VCL: variants seen among roughly 807,000 people sequenced by gnomAD.
VCL encodes vinculin.
A neutral mutation model predicts 125.7 loss-of-function variants in VCL; 47 were observed. The ratio of observed to expected loss-of-function variants is 0.37; its 90% CI spans 0.30 to 0.48. VCL has a LOEUF of 0.48. Among genes scored for constraint, VCL ranks in the 20% least tolerant of loss-of-function variants. The probability of loss-of-function intolerance (pLI) is 0.99; values close to 1 mark genes in which losing one functional copy is unlikely to be tolerated. For missense variants in VCL, 1,069 were observed against 1,455.5 expected, an observed-to-expected ratio of 0.73 and a Z score of 4.32; for synonymous variants, 458 against 514.6, an observed-to-expected ratio of 0.89 and a Z score of 1.49.
Position 74,082,449 on chromosome 10 carries a change from A to T in VCL, c.784-5A>T. ...GAAAATAATGGTGGGATTTCTTCCC[A>T]AAAGGACACTGAAGCCATGAAGAGA... On this transcript the variant is annotated splice_region_variant and splice_polypyrimidine_tract_variant and intron_variant, in intron 6 of 21. Coordinates refer to ENST00000211998, the MANE Select transcript of VCL (RefSeq NM_014000.3). 1 of 1,614,150 alleles carries T rather than the reference A, an allele frequency of 6.2e-7. No individual in the cohort carries two copies. Among genetic ancestry groups the T allele is most frequent in the Non-Finnish European group, 8.5e-7 (1 of 1,179,988 alleles).
At chr10:74,100,873 G>A (rs1260053988) in intron 13 of VCL, 75 bp from the exon 14 acceptor site, 7 of 1,577,794 alleles carry the variant, frequency 4.4e-6, no homozygotes, top group Middle Eastern at 4.4e-4. Flanking sequence ...CCTTCTTAAA[G>A]GATGAAACTT....
At position 74,112,202 on chromosome 10, in the gene VCL, G is replaced by A. The variant is rs953763306; in HGVS notation, c.2949+90G>A. The A allele has an allele frequency of 2.6e-6, 4 of 1,528,902 alleles. No individual in the cohort carries two copies. In the African/African-American group the frequency reaches 5.5e-5, roughly 21 times the overall value. The allele number at this position is 1,528,902 out of a possible 1,614,324, so 94.7% of individuals were successfully genotyped here. A position where few individuals can be genotyped will look rare whatever the true frequency, so the allele number is the denominator to read the frequency against. On this transcript the variant is annotated intron_variant, in intron 19 of 21. Transcript: ENST00000211998. Reference sequence around the variant, plus strand: ...CATTGCATCACTCATGATCTGTGCTGGTCCTGTGAGTCTGAGCAGGGCGGG... The same window carrying A: ...CATTGCATCACTCATGATCTGTGCTAGTCCTGTGAGTCTGAGCAGGGCGGG...
chr10:74,015,539 T>C (rs1251926408), intron 1 of VCL, among the ~76,000 whole-genome samples: 1 of 151,252 alleles, frequency 6.6e-6, no homozygotes, highest in Non-Finnish European at 1.5e-5. Context: ...AAACTCTGTC[T>C]CCAAAAAAAA....
At chr10:74,104,029 G>A (rs1239039368) in intron 15 of VCL, 101 bp downstream of exon 15, 2 of 1,217,686 alleles carry the variant, frequency 1.6e-6, no homozygotes, top group East Asian at 5.0e-5. Context: ...ATTGGATAAA[G>A]GGCCGGTCAC....
At chr10:74,044,689 A>T (rs1841162356) in intron 2 of VCL, among the ~76,000 whole-genome samples, 2 of 152,196 alleles carry the variant, frequency 1.3e-5, no homozygotes, top group Non-Finnish European at 2.9e-5. Flanking sequence ...ACTCGTCCAC[A>T]TGCACACCAG....
chr10:74,057,184 A>G (rs1034197501), intron 2 of VCL, among the ~76,000 whole-genome samples: 1 of 152,004 alleles, frequency 6.6e-6, no homozygotes, highest in Admixed American at 6.6e-5. Flanking sequence ...GGCTCAAGCA[A>G]TCCTCCCACC....
At chr10:74,085,149 C>T (rs1160539169) in intron 8 of VCL, among the ~76,000 whole-genome samples, 2 of 152,056 alleles carry the variant, frequency 1.3e-5, no homozygotes, top group African/African-American at 2.4e-5. Context: ...AAGTGATCCT[C>T]TCAAAAGTGT....
At chr10:74,111,828 C>A in intron 18 of VCL, 81 bp from the exon 19 acceptor site, 1 of 1,558,162 alleles carries the variant, frequency 6.4e-7, no homozygotes, top group South Asian at 1.2e-5. Context: ...GGTTACTAAA[C>A]CAGCTGAAGC....
chr10:74,023,694 G>A lies in VCL; in HGVS notation c.169-19389G>A, dbSNP rs138169902. On this transcript the variant is annotated intron_variant, in intron 1 of 21. Transcript: ENST00000211998. ...ATATTGGTAAGCAAGTGAAACAAAA[G>A]GAAATGAAGTTAACATTTCTATAAA... is the stretch of plus-strand genomic sequence containing the variant. Among the ~76,000 whole-genome samples the A allele has an allele frequency of 8.0e-3, 1,224 of 152,234 alleles. 13 individuals are homozygous for A. Among genetic ancestry groups the A allele is most frequent in the African/African-American group, 0.026 (1,072 of 41,544 alleles).
At chr10:74,017,073 A>C (rs1158024717) in intron 1 of VCL, among the ~76,000 whole-genome samples, 1 of 72,456 alleles carries the variant, frequency 1.4e-5, no homozygotes, top group South Asian at 4.0e-4. Flanking sequence ...TTTGAGACGG[A>C]GTCTCGCTCT....
intron 1 of VCL, among the ~76,000 whole-genome samples, chr10:74,012,818 A>C (rs998558257): frequency 3.3e-5 from 5 of 152,138 alleles, no homozygotes; most frequent in African/African-American, 1.2e-4. Context: ...ACTCTTCTGT[A>C]GTTCTTTACT....
chr10:74,093,314 A>G (rs1432393504), intron 10 of VCL, among the ~76,000 whole-genome samples: 1 of 152,070 alleles, frequency 6.6e-6, no homozygotes, highest in Non-Finnish European at 1.5e-5. Context: ...AACAAACAAA[A>G]AAAAGTGTGG....
intron 6 of VCL, among the ~76,000 whole-genome samples, chr10:74,080,080 A>C (rs756411065): frequency 1.1e-4 from 17 of 152,178 alleles, no homozygotes; most frequent in Non-Finnish European, 2.2e-4. Context: ...AGAAAAAAAG[A>C]AATGATTTTT....
At chr10:74,113,211 G>C (rs1840257714) in intron 19 of VCL, among the ~76,000 whole-genome samples, 2 of 152,166 alleles carry the variant, frequency 1.3e-5, no homozygotes, top group Non-Finnish European at 2.9e-5. Context: ...GCTATGACTT[G>C]GGGTTGTTAG....
At chr10:74,103,793 TG>T in intron 14 of VCL, 26 bp from the exon 15 acceptor site, 1 of 1,601,480 alleles carries the variant, frequency 6.2e-7, no homozygotes, top group Non-Finnish European at 8.6e-7. Flanking sequence ...GGTGCTCTGG[TG>T]TTTAAAGGTG....
chr10:74,088,510 A>C (rs1265210269), intron 8 of VCL, among the ~76,000 whole-genome samples: 1 of 152,246 alleles, frequency 6.6e-6, no homozygotes, highest in Non-Finnish European at 1.5e-5. Flanking sequence ...ATGATAATTC[A>C]GTAATAATGA....
intron 1 of VCL, among the ~76,000 whole-genome samples, chr10:74,021,387 G>GT (rs919026945): frequency 1.1e-3 from 162 of 146,370 alleles, no homozygotes; most frequent in Admixed American, 1.6e-3. Context: ...CAGCACTGCA[G>GT]TTTTTTTTTT....
At chr10:74,012,679 C>A (rs1368383711) in intron 1 of VCL, among the ~76,000 whole-genome samples, 2 of 152,052 alleles carry the variant, frequency 1.3e-5, no homozygotes, top group African/African-American at 4.8e-5. Context: ...AGATGGTGGG[C>A]CACCTAGTTA....
intron 1 of VCL, among the ~76,000 whole-genome samples, chr10:74,011,149 G>A (rs1186227697): frequency 9.8e-6 from 1 of 101,600 alleles, no homozygotes; most frequent in Non-Finnish European, 1.8e-5. Flanking sequence ...TGGGCAACAA[G>A]AGTGAAACTC....
Sources: gnomAD v4.1 joint callset for allele counts (sites outside exome capture counted in the v4.1 genomes callset) on GRCh38, gnomAD v4.1.1 for gene constraint, MANE v1.5 for transcripts, NCBI Gene and HGNC (gene_info 2026-07-23, HGNC 2026-07-21) for gene names.